The following CCSER2 variants were observed in gnomAD, a reference collection of about 807,000 sequenced individuals.
CCSER2 encodes the protein serine-rich coiled-coil domain-containing protein 2.
Under a neutral mutation model 92.3 loss-of-function variants are expected in CCSER2, and 46 were observed. That is an observed-to-expected ratio of 0.50 (90% CI 0.39 to 0.64). The LOEUF (loss-of-function observed/expected upper bound fraction) is 0.64, where lower values mean the gene tolerates loss of function less well. CCSER2 is among the 30% of genes least tolerant of loss of function. The pLI is 0.00. For missense variants in CCSER2, 1,244 were observed against 1,238.9 expected (o/e 1.00, Z -0.06); for synonymous variants, 433 against 431.4 (o/e 1.00, Z -0.04).
chr10:84,344,284 C>G (rs1223331673), intron 1 of CCSER2, among the ~76,000 whole-genome samples: 1 of 151,764 alleles, frequency 6.6e-6, no homozygotes, highest in Non-Finnish European at 1.5e-5. Context: ...TTCTCTCATT[C>G]TAAATGTATT....
chr10:84,466,508 G>GTTTTTTTTTT (rs573093442), intron 7 of CCSER2, among the ~76,000 whole-genome samples: 3 of 138,800 alleles, frequency 2.2e-5, no homozygotes, highest in Non-Finnish European at 3.1e-5. Context: ...TGTTTTTTTG[G>GTTTTTTTTTT]TTTTTTTTTT....
chr10:84,476,689 C>T (rs34077622), intron 8 of CCSER2, among the ~76,000 whole-genome samples: 31,837 of 151,782 alleles, frequency 0.21, 3,589 homozygotes, highest in Admixed American at 0.34. Flanking sequence ...GTGATCCGCC[C>T]GCCTCGGCCT....
chr10:84,380,810 T>C (rs1315897541), intron 3 of CCSER2, among the ~76,000 whole-genome samples: 1 of 151,928 alleles, frequency 6.6e-6, no homozygotes, highest in Admixed American at 6.6e-5. Context: ...TTCTCCTGTC[T>C]CAGCCTCCCA....
intron 1 of CCSER2, among the ~76,000 whole-genome samples, chr10:84,356,483 G>A (rs1845177121): frequency 6.6e-6 from 1 of 152,176 alleles, no homozygotes; most frequent in Non-Finnish European, 1.5e-5. Flanking sequence ...CAGTCATACT[G>A]AGACTAAAAC....
chr10:84,507,767 T>C (rs1849142764), intron 9 of CCSER2, among the ~76,000 whole-genome samples: 1 of 152,214 alleles, frequency 6.6e-6, no homozygotes, highest in African/African-American at 2.4e-5. Context: ...GTGAACTGTT[T>C]TGCTCATTGG....
chr10:84,388,696 A>G (rs1589518913), intron 3 of CCSER2, among the ~76,000 whole-genome samples: 1 of 152,202 alleles, frequency 6.6e-6, no homozygotes, highest in South Asian at 2.1e-4. Flanking sequence ...TGGAGTGCAG[A>G]TGGAGATGGT....
chr10:84,452,600 A>G (rs1845358615), intron 6 of CCSER2, among the ~76,000 whole-genome samples: 1 of 152,206 alleles, frequency 6.6e-6, no homozygotes, highest in Non-Finnish European at 1.5e-5. Context: ...ACAGTTGGTT[A>G]ACTGTGAATT....
intron 6 of CCSER2, among the ~76,000 whole-genome samples, chr10:84,460,074 T>C (rs1846007214): frequency 6.7e-6 from 1 of 149,238 alleles, no homozygotes; most frequent in African/African-American, 2.4e-5. Context: ...ATATTGTTGG[T>C]TTTGATTCTT....
At chr10:84,483,985 ATATATAT>A (rs1564711637) in intron 9 of CCSER2, among the ~76,000 whole-genome samples, 10 of 47,148 alleles carry the variant, frequency 2.1e-4, no homozygotes, top group Non-Finnish European at 4.5e-4. Context: ...ATATATATAT[ATATATAT>A]ATATAATTTT....
chr10:84,332,412 T>TTATATATATATATA (rs1554828778), intron 1 of CCSER2, among the ~76,000 whole-genome samples: 1 of 82,270 alleles, frequency 1.2e-5, no homozygotes, highest in African/African-American at 6.0e-5. Flanking sequence ...ATTTATTTTT[T>TTATATATATATATA]TATATATATA....
At chr10:84,424,906 TG>T in intron 4 of CCSER2, 1 of 751,358 alleles carries the variant, frequency 1.3e-6, no homozygotes, top group Non-Finnish European at 1.6e-6. Flanking sequence ...CAGGGAGGGC[TG>T]GGTTTTGAGC....
chr10:84,375,595 TCTAA>T (rs1437404949), intron 3 of CCSER2, among the ~76,000 whole-genome samples: 31 of 151,040 alleles, frequency 2.1e-4, no homozygotes, highest in Non-Finnish European at 3.7e-4. Flanking sequence ...CTTCTCTATC[TCTAA>T]CTATGCTTTT....
intron 3 of CCSER2, among the ~76,000 whole-genome samples, chr10:84,393,696 A>G (rs1841658772): frequency 6.6e-6 from 1 of 152,180 alleles, no homozygotes; most frequent in African/African-American, 2.4e-5. Flanking sequence ...CCTGTGAATA[A>G]ATCCTTGTTA....
At chr10:84,441,015 T>C (rs1301963277) in intron 6 of CCSER2, among the ~76,000 whole-genome samples, 3 of 152,216 alleles carry the variant, frequency 2.0e-5, no homozygotes, top group Non-Finnish European at 4.4e-5. Context: ...GACTTGAGTT[T>C]TGTTGTAGTT....
chr10:84,478,943 A>T (rs186984917), intron 9 of CCSER2, among the ~76,000 whole-genome samples: 1 of 152,380 alleles, frequency 6.6e-6, no homozygotes, highest in Admixed American at 6.5e-5. Context: ...GTTGTTTAAT[A>T]GAAGACCATG....
intron 1 of CCSER2, among the ~76,000 whole-genome samples, chr10:84,340,477 A>G (rs1433147752): frequency 6.6e-6 from 1 of 152,242 alleles, no homozygotes; most frequent in African/African-American, 2.4e-5. Context: ...TACATAAGCA[A>G]TTCGAATAGT....
Position 84,391,512 on chromosome 10 carries a change from T to A in CCSER2, c.1614+17697T>A, listed in dbSNP as rs552408266. On this transcript the variant is annotated intron_variant, in intron 3 of 9. Coordinates refer to ENST00000372088, the MANE Select transcript of CCSER2 (RefSeq NM_001284240.2). ...TGTATAGCTGATTTCATGCCAATAC[T>A]GGGAATCAACCCAAATCCAGAATTC... 51 of 1,524,568 alleles carry A rather than the reference T, an allele frequency of 3.3e-5. No homozygotes were observed. In the African/African-American group the frequency reaches 6.4e-4, roughly 19 times the overall value. 94.4% of individuals were successfully genotyped at this position (1,524,568 alleles called of 1,614,324 possible). A position where few individuals can be genotyped will look rare whatever the true frequency, so the allele number is the denominator to read the frequency against.
chr10:84,486,824 T>G (rs1178603520), intron 9 of CCSER2, among the ~76,000 whole-genome samples: 2 of 152,262 alleles, frequency 1.3e-5, no homozygotes, highest in Admixed American at 1.3e-4. Flanking sequence ...TGCCCATGCC[T>G]ATGTCCTGAA....
chr10:84,420,760 T>C (rs368964723), intron 4 of CCSER2, among the ~76,000 whole-genome samples: 4 of 151,830 alleles, frequency 2.6e-5, no homozygotes, highest in East Asian at 3.9e-4. Flanking sequence ...GGTGAAACCC[T>C]GTCTCTACTA....
Sources: allele counts gnomAD v4.1 joint callset (sites outside exome capture counted in the v4.1 genomes callset), GRCh38; gene constraint gnomAD v4.1.1; transcripts MANE v1.5; gene names NCBI Gene and HGNC (gene_info 2026-07-23, HGNC 2026-07-21).